TTN: variants seen among roughly 807,000 people sequenced by gnomAD.
TTN encodes connectin.
A neutral mutation model predicts 3,223.0 loss-of-function variants in TTN; 1,525 were observed. That is an observed-to-expected ratio of 0.47 (90% confidence interval 0.45 to 0.49). The LOEUF is 0.49. Ranked by LOEUF, TTN falls within the 20% of genes least tolerant of loss-of-function variation. TTN has a pLI of 0.00. For missense variants in TTN, 40,786 were observed against 43,424.0 expected (o/e 0.94, Z 5.40); for synonymous variants, 14,094 against 15,161.0 (o/e 0.93, Z 5.17).
Position 178,632,332 on chromosome 2 carries a change from G to A in TTN, c.43562C>T (p.Ser14521Phe). The change falls in exon 236 of 363, where the codon TCT becomes TTT. Residue 14521 changes from serine (S) to phenylalanine (F), a missense_variant. By Grantham distance (155) the Ser-to-Phe change is radical (BLOSUM62 -2). Coordinates refer to ENST00000589042, the MANE Select transcript of TTN (RefSeq NM_001267550.2). ...KESAVFTVEL[S>F]HDNIRVKWFK... ...CCATTTAACTCGGATGTTATCATGA[G>A]ATAACTCCACAGTAAATACAGCACT... 2 of 1,606,728 alleles carry A rather than the reference G, an allele frequency of 1.2e-6. No individual in the cohort carries two copies. The highest frequency in any genetic ancestry group is 1.7e-6 in the Non-Finnish European group (2 of 1,176,292).
At chr2:178,730,442 A>C (rs2080241407) in intron 61 of TTN, 63 bp downstream of exon 61, 46 of 1,553,154 alleles carry the variant, frequency 3.0e-5, no homozygotes, top group Non-Finnish European at 3.9e-5. Flanking sequence ...TAAAGGTGAA[A>C]ATTTAGAAAT....
rs754729998 is a variant in TTN, at chr2:178,739,872, T to A, written c.13361A>T (p.Glu4454Val). 2 of 1,613,872 alleles carry A rather than the reference T, an allele frequency of 1.2e-6. No homozygotes were observed. The highest frequency in any genetic ancestry group is 1.7e-6 in the Non-Finnish European group (2 of 1,179,824). The change falls in exon 48 of 363, where the codon GAA becomes GTA. Residue 4454 changes from glutamate (E) to valine (V), a missense_variant. Transcript: ENST00000589042. Reference protein sequence around the residue: ...LVTSAKSVTEEVTIIIEDVDP... With the variant: ...LVTSAKSVTEVVTIIIEDVDP... ...AACATCTTCAATAATGATGGTTACTTCTTCTGTTACAGACTTTGCCGAAGT... is the reference window on the plus strand; with the variant it reads ...AACATCTTCAATAATGATGGTTACTACTTCTGTTACAGACTTTGCCGAAGT...
At position 178,678,766 on chromosome 2, in the gene TTN, C is replaced by G. The variant is rs114152388; in HGVS notation, c.33807G>C (p.Val11269=). 6.2e-7 allele frequency: 1 copy of G among 1,602,846 alleles called. No individual in the cohort carries two copies. Among genetic ancestry groups the G allele is most frequent in the African/African-American group, 1.3e-5 (1 of 74,144 alleles). ...ATGTACCTTTGGCAGGTGGAGCTTC[C>G]ACCTTTTTAGGAACTGGTACTGGTA... ...EKVPVPVPKK[V]EAPPAKVPEV... The change falls in exon 143 of 363, where the codon GTG becomes GTC. Residue 11269 remains valine (V), a synonymous_variant. Coordinates refer to ENST00000589042, the MANE Select transcript of TTN (RefSeq NM_001267550.2).
At position 178,612,258 on chromosome 2, in the gene TTN, A is replaced by T. The variant is rs2056469155; in HGVS notation, c.50248+19T>A. ...TGCGAGAGCACTTATTGTCACAAAG[A>T]TTAAGTGCAAGAGCATACTAAAGGT... On this transcript the variant is annotated intron_variant, in intron 266 of 362. Coordinates refer to ENST00000589042, the MANE Select transcript of TTN (RefSeq NM_001267550.2). 2 of 1,608,512 alleles carry T rather than the reference A, an allele frequency of 1.2e-6. No homozygotes were observed. Among genetic ancestry groups the T allele is most frequent in the Middle Eastern group, 1.7e-4 (1 of 6,030 alleles).
chr2:178,616,708 GATAA>G lies in TTN; in HGVS notation c.48160+17_48160+20del. 6.2e-7 allele frequency: 1 copy of G among 1,611,988 alleles called. No homozygotes were observed. The highest frequency in any genetic ancestry group is 8.5e-7 in the Non-Finnish European group (1 of 1,178,966). ...TTAATACTGCCAAATCACCTTAGAT[GATAA>G]ATGTTTTGTTCCTTACCAATTACAT... On this transcript the variant is annotated intron_variant, in intron 256 of 362. Transcript: ENST00000589042.
At chr2:178,637,456 T>C in intron 223 of TTN, 37 bp from the exon 224 acceptor site, 2 of 1,362,324 alleles carry the variant, frequency 1.5e-6, no homozygotes, top group Non-Finnish European at 1.9e-6. Context: ...TAAACACTTT[T>C]CGGACTTATT....
intron 47 of TTN, chr2:178,745,816 A>T (rs876657622): frequency 6.2e-7 from 1 of 1,613,152 alleles, no homozygotes; most frequent in Non-Finnish European, 8.5e-7. Flanking sequence ...ATGCTGCTGT[A>T]CCTATTGGTG....
At chr2:178,716,644 AAAGT>A (rs2154298534) in intron 88 of TTN, among the ~76,000 whole-genome samples, 1 of 152,302 alleles carries the variant, frequency 6.6e-6, no homozygotes, top group South Asian at 2.1e-4. Context: ...CTAGTGGAGG[AAAGT>A]AAGTTGAACT....
chr2:178,569,184 C>A lies in TTN; in HGVS notation c.76948G>T (p.Ala25650Ser). ...KREATRKSYAAVVTNCHKNSW... is the reference protein window; with the variant it reads ...KREATRKSYASVVTNCHKNSW... ...TTCTTATGGCAGTTAGTTACAACAG[C>A]AGCATATGATTTTCTTGTGGCTTCA... is the stretch of plus-strand genomic sequence containing the variant. The change falls in exon 326 of 363, where the codon GCT (alanine) becomes TCT (serine). Residue 25650 changes from alanine (A) to serine (S), a missense_variant. Transcript: ENST00000589042. 2 of 1,611,918 alleles carry A rather than the reference C, an allele frequency of 1.2e-6. No homozygotes were observed. Among genetic ancestry groups the A allele is most frequent in the Non-Finnish European group, 1.7e-6 (2 of 1,178,948 alleles).
Position 178,532,072 on chromosome 2 carries a change from A to G in TTN, c.104543T>C (p.Ile34848Thr). 6.2e-7 allele frequency: 1 copy of G among 1,613,900 alleles called. No individual in the cohort carries two copies. The highest frequency in any genetic ancestry group is 8.5e-7 in the Non-Finnish European group (1 of 1,179,852). Reference protein sequence around the residue: ...RRRRSLSPTYIELMRPVSELI... With the variant: ...RRRRSLSPTYTELMRPVSELI... ...CTCAGACACTGGCCTCATTAACTCA[A>G]TATAAGTTGGAGACAGGGAGCGCCG... The change falls in exon 358 of 363, where the codon ATT becomes ACT. Residue 34848 changes from isoleucine (I) to threonine (T), a missense_variant. Ile to Thr is a moderately conservative substitution (Grantham distance 89). Coordinates refer to ENST00000589042, the MANE Select transcript of TTN (RefSeq NM_001267550.2).
intron 149 of TTN, 84 bp from the exon 150 acceptor site, chr2:178,675,197 G>A: frequency 1.2e-6 from 1 of 833,180 alleles, no homozygotes. Context: ...TCCAACATAA[G>A]AGAGTAAATA....
At position 178,718,453 on chromosome 2, in the gene TTN, C is replaced by T. The variant is rs1205977275; in HGVS notation, c.24653G>A (p.Ser8218Asn). ...EYLISQSERC[S>N]ITMTEKSTIL... ...GGTAGATTTTTCTGTCATAGTAATA[C>T]TGCATCTCTCAGATTGTGAAATAAG... Residue 8218 changes from serine (S) to asparagine (N), a missense_variant, in exon 85 of 363, where the codon AGT becomes AAT. Transcript: ENST00000589042. 2 of 1,613,768 alleles carry T rather than the reference C, an allele frequency of 1.2e-6. No individual in the cohort carries two copies. The highest frequency in any genetic ancestry group is 3.3e-5 in the Admixed American group (2 of 60,008).
In TTN at chr2:178,578,596, G is replaced by T; in HGVS notation, c.68329+15C>A. On this transcript the variant is annotated intron_variant, in intron 321 of 362. Transcript: ENST00000589042. ...TCTTGATGTAAAAGCTGTAGGATAA[G>T]AACAAACAAAATACCTGTAATTGGA... The T allele has an allele frequency of 6.3e-7, 1 of 1,589,562 alleles. No individual in the cohort carries two copies. The highest frequency in any genetic ancestry group is 8.6e-7 in the Non-Finnish European group (1 of 1,161,228).
Position 178,547,246 on chromosome 2 carries a change from T to G in TTN, c.94279A>C (p.Ile31427Leu), listed in dbSNP as rs776226409. 3.7e-6 allele frequency: 6 copies of G among 1,613,824 alleles called. No homozygotes were observed. The highest frequency in any genetic ancestry group is 5.1e-6 in the Non-Finnish European group (6 of 1,179,746). Residue 31427 changes from isoleucine (I) to leucine (L), a missense_variant, in exon 340 of 363, where the codon ATT (isoleucine) becomes CTT (leucine). Coordinates refer to ENST00000589042, the MANE Select transcript of TTN (RefSeq NM_001267550.2). ...TCGTGGTAGGGTTCTTCCCAACGAA[T>G]AGACATGGCATTGGCAGACACATGG... The part of the protein sequence containing the change: ...VYHVSANAMS[I>L]RWEEPYHDGG...
chr2:178,613,138 C>A, intron 264 of TTN, 23 bp downstream of exon 264: 1 of 1,607,016 alleles, frequency 6.2e-7, no homozygotes, highest in South Asian at 1.1e-5. Flanking sequence ...TCGAAATAAC[C>A]ACAAAAATTA....
Position 178,722,072 on chromosome 2 carries a change from T to A in TTN, c.22591A>T (p.Ser7531Cys). 1 of 1,611,376 alleles carries A rather than the reference T, an allele frequency of 6.2e-7. No individual in the cohort carries two copies. The highest frequency in any genetic ancestry group is 1.1e-5 in the South Asian group (1 of 90,524). ...PVSIDVIAGE[S>C]ADFECHVTGA... ...GTAACATGACACTCAAAATCAGCAC[T>A]TTCTCCAGCAATAACATCTATAGAT... Residue 7531 changes from serine to cysteine, a missense_variant, in exon 78 of 363, where the codon AGT (serine) becomes TGT (cysteine). Physicochemically the swap from Ser to Cys is moderately radical, Grantham distance 112. Coordinates refer to ENST00000589042, the MANE Select transcript of TTN (RefSeq NM_001267550.2).
rs1393820832 is a variant in TTN, at chr2:178,672,070, C to A, written c.35128G>T (p.Val11710Phe). The change falls in exon 155 of 363, where the codon GTT (valine) becomes TTT (phenylalanine). Residue 11710 changes from valine (V) to phenylalanine (F), a missense_variant. Val to Phe is a conservative substitution (Grantham distance 50). Transcript: ENST00000589042. ...EEFIKLEQHRVEEEHRVEKVH... is the reference protein window; with the variant it reads ...EEFIKLEQHRFEEEHRVEKVH... ...TTTTCAACTCTGTGTTCTTCTTCAACTCTATGTTGTTCTAATTTGATGAAT... is the reference window on the plus strand; with the variant it reads ...TTTTCAACTCTGTGTTCTTCTTCAAATCTATGTTGTTCTAATTTGATGAAT... 1 of 1,612,120 alleles carries A rather than the reference C, an allele frequency of 6.2e-7. No individual in the cohort carries two copies. Among genetic ancestry groups the A allele is most frequent in the Non-Finnish European group, 8.5e-7 (1 of 1,179,050 alleles).
rs1157147648 is a variant in TTN, at chr2:178,565,616, A to C, written c.80516T>G (p.Val26839Gly). The C allele has an allele frequency of 3.1e-6, 5 of 1,613,594 alleles. No individual in the cohort carries two copies. The highest frequency in any genetic ancestry group is 4.2e-6 in the Non-Finnish European group (5 of 1,179,632). Reference sequence around the variant, plus strand: ...TTGTCCAGAACTCAAACCAGTAACAACTGCATTACAGACTTTGGATTCAGC... The same window carrying C: ...TTGTCCAGAACTCAAACCAGTAACACCTGCATTACAGACTTTGGATTCAGC... ...IVAESKVCNA[V>G]VTGLSSGQEY... Residue 26839 changes from valine (V) to glycine (G), a missense_variant, in exon 326 of 363, where the codon GTT becomes GGT. Physicochemically the swap from Val to Gly is moderately radical, Grantham distance 109 (BLOSUM62 -3). Transcript: ENST00000589042.
chr2:178,563,308 C>G lies in TTN; in HGVS notation c.82824G>C (p.Glu27608Asp). Reference protein sequence around the residue: ...GGAPVKGYVVEVKEAAADEWT... With the variant: ...GGAPVKGYVVDVKEAAADEWT... ...ATTCATCCGCAGCAGCTTCTTTGAC[C>G]TCTACAACATAGCCTTTAACAGGTG... Residue 27608 changes from glutamate (E) to aspartate (D), a missense_variant, in exon 326 of 363, where the codon GAG becomes GAC. Physicochemically the swap from Glu to Asp is conservative, Grantham distance 45 (BLOSUM62 2). Transcript: ENST00000589042. This position sits in a 1 kb window ranked among gnomAD's most constrained non-coding sequence, Gnocchi z 4.5. The G allele has an allele frequency of 6.2e-7, 1 of 1,613,600 alleles. No homozygotes were observed. Among genetic ancestry groups the G allele is most frequent in the Non-Finnish European group, 8.5e-7 (1 of 1,179,706 alleles).
Sources: gnomAD v4.1 joint callset for allele counts (sites outside exome capture counted in the v4.1 genomes callset) on GRCh38, gnomAD v4.1.1 for gene constraint, Gnocchi (gnomAD v3.1) non-coding constraint, MANE v1.5 for transcripts, NCBI Gene and HGNC (gene_info 2026-07-23, HGNC 2026-07-21) for gene names.